Variants in TBC1D12 observed in about 807,000 individuals in gnomAD.
TBC1D12 encodes TBC1 domain family member 12, also known as TBC1 domain family, member 12.
TBC1D12 carries 56 observed loss-of-function variants against 86.7 expected under a neutral mutation model. The ratio of observed to expected loss-of-function variants is 0.65; its 90% CI spans 0.52 to 0.81. The LOEUF (loss-of-function observed/expected upper bound fraction) is 0.81. TBC1D12 is among the 30% of genes least tolerant of loss of function. The pLI is 0.00. For missense variants in TBC1D12, 1,023 were observed against 1,038.8 expected (o/e 0.98, Z 0.21); for synonymous variants, 421 against 411.7 (o/e 1.02, Z -0.27).
At chr10:94,519,696 C>T (rs1242381695) in intron 9 of TBC1D12, among the ~76,000 whole-genome samples, 2 of 152,134 alleles carry the variant, frequency 1.3e-5, no homozygotes, top group African/African-American at 4.8e-5. Context: ...CTTGCTTTTT[C>T]CACCTTCTAG....
At chr10:94,512,974 C>T (rs1314374483) in intron 9 of TBC1D12, among the ~76,000 whole-genome samples, 5 of 151,752 alleles carry the variant, frequency 3.3e-5, no homozygotes, top group African/African-American at 9.7e-5. Flanking sequence ...GCATGCCGGG[C>T]GTGGTGGCTC....
chr10:94,472,797 C>T (rs1294478896), intron 2 of TBC1D12, among the ~76,000 whole-genome samples: 2 of 152,030 alleles, frequency 1.3e-5, no homozygotes, highest in East Asian at 1.9e-4. Flanking sequence ...CTGTATGGTT[C>T]TTTGAGATGA....
chr10:94,443,647 A>C (rs769473388), intron 2 of TBC1D12, among the ~76,000 whole-genome samples: 8 of 152,212 alleles, frequency 5.3e-5, no homozygotes, highest in Non-Finnish European at 1.0e-4. Context: ...GAGACTGGTA[A>C]TTAGAAGCAG....
chr10:94,413,924 T>G (rs955754663), intron 1 of TBC1D12, among the ~76,000 whole-genome samples: 43 of 152,326 alleles, frequency 2.8e-4, no homozygotes, highest in African/African-American at 9.6e-4. Flanking sequence ...CAACTACCCA[T>G]CATACGTTAG....
At chr10:94,506,402 A>G (rs1456413153) in intron 6 of TBC1D12, among the ~76,000 whole-genome samples, 2 of 152,224 alleles carry the variant, frequency 1.3e-5, no homozygotes, top group Non-Finnish European at 2.9e-5. Flanking sequence ...AAAATTTTAA[A>G]AAGAATTAAT....
intron 4 of TBC1D12, among the ~76,000 whole-genome samples, chr10:94,496,735 CAT>C (rs1173551390): frequency 3.9e-5 from 6 of 152,240 alleles, no homozygotes; most frequent in South Asian, 2.1e-4. Flanking sequence ...TGGTGGCACA[CAT>C]GTGTAGTCCA....
chr10:94,407,008 G>T lies in TBC1D12; in HGVS notation c.971+3424G>T, dbSNP rs72814658. ...TTCCTTCTTCTTCCCTTCCCACTTC[G>T]TTCTTCTCTTTCCCTTAATTAGGCA... On this transcript the variant is annotated intron_variant, in intron 1 of 12. Transcript: ENST00000225235. Among the ~76,000 whole-genome samples the T allele has an allele frequency of 9.2e-3, 1,386 of 150,556 alleles. 7 individuals are homozygous for T. Among genetic ancestry groups the T allele is most frequent in the South Asian group, 0.027 (127 of 4,752 alleles).
At chr10:94,453,518 A>C (rs1312138092) in intron 2 of TBC1D12, among the ~76,000 whole-genome samples, 1 of 152,164 alleles carries the variant, frequency 6.6e-6, no homozygotes, top group Non-Finnish European at 1.5e-5. Context: ...TAAATTTATA[A>C]AGTTTATAAA....
At chr10:94,523,164 G>A (rs1842199556) in intron 11 of TBC1D12, among the ~76,000 whole-genome samples, 1 of 123,168 alleles carries the variant, frequency 8.1e-6, no homozygotes, top group Non-Finnish European at 1.6e-5. Context: ...CAGCACTGCA[G>A]CCTGGACAAC....
In TBC1D12 at chr10:94,403,017, A is replaced by G; in HGVS notation, c.404A>G (p.Asn135Ser). The change falls in exon 1 of 13, where the codon AAC (asparagine) becomes AGC (serine). Residue 135 changes from asparagine (N) to serine (S), a missense_variant. Coordinates refer to ENST00000225235, the MANE Select transcript of TBC1D12 (RefSeq NM_015188.2). ...GRAPRHEGMT[N>S]GDSGFLPGRD... ...GCGCCGCGGCACGAAGGCATGACCA[A>G]CGGCGACTCGGGTTTTCTGCCGGGC... is the stretch of plus-strand genomic sequence containing the variant. 6.4e-7 allele frequency: 1 copy of G among 1,572,940 alleles called. No homozygotes were observed. The highest frequency in any genetic ancestry group is 8.6e-7 in the Non-Finnish European group (1 of 1,163,780).
chr10:94,474,896 A>G, intron 3 of TBC1D12, 113 bp downstream of exon 3: 1 of 969,864 alleles, frequency 1.0e-6, no homozygotes. Flanking sequence ...TTTAATTTTT[A>G]CAAAATTTAA....
chr10:94,469,872 C>G (rs1310497793), intron 2 of TBC1D12, among the ~76,000 whole-genome samples: 1 of 152,180 alleles, frequency 6.6e-6, no homozygotes, highest in Non-Finnish European at 1.5e-5. Context: ...CCCTGATGTT[C>G]AGTATTGCCT....
intron 6 of TBC1D12, among the ~76,000 whole-genome samples, chr10:94,503,613 T>A (rs2056425906): frequency 6.6e-6 from 1 of 152,062 alleles, no homozygotes; most frequent in Admixed American, 6.6e-5. Flanking sequence ...ATTATTTTAT[T>A]TATTTATTTA....
At position 94,517,973 on chromosome 10, in the gene TBC1D12, C is replaced by A. The variant is rs900429447; in HGVS notation, c.1762-3982C>A. On this transcript the variant is annotated intron_variant, in intron 9 of 12. Transcript: ENST00000225235. ...TTCGAGACCAGCCTGGCCAACGTGGCGAAATCCCGTCTCTACTAAAAATAC... is the reference window on the plus strand; with the variant it reads ...TTCGAGACCAGCCTGGCCAACGTGGAGAAATCCCGTCTCTACTAAAAATAC... Among the ~76,000 whole-genome samples, 42 of 151,972 alleles carry A rather than the reference C, an allele frequency of 2.8e-4. 1 individual carries two copies. The highest frequency in any genetic ancestry group is 8.2e-4 in the African/African-American group (34 of 41,480).
Position 94,403,455 on chromosome 10 carries a change from G to T in TBC1D12, c.842G>T (p.Arg281Leu). Residue 281 changes from arginine to leucine, a missense_variant, in exon 1 of 13, where the codon CGC becomes CTC. By Grantham distance (102) the Arg-to-Leu change is moderately radical. Coordinates refer to ENST00000225235, the MANE Select transcript of TBC1D12 (RefSeq NM_015188.2). ...FNSRNTFQVS[R>L]GQSARDHLPP... ...TCTCGCAACACGTTCCAGGTGAGCCGCGGTCAGAGCGCCCGCGATCACCTG... is the reference window on the plus strand; with the variant it reads ...TCTCGCAACACGTTCCAGGTGAGCCTCGGTCAGAGCGCCCGCGATCACCTG... 1 of 1,543,928 alleles carries T rather than the reference G, an allele frequency of 6.5e-7. No individual in the cohort carries two copies. The highest frequency in any genetic ancestry group is 8.7e-7 in the Non-Finnish European group (1 of 1,145,290).
chr10:94,501,763 G>A (rs561828097), intron 6 of TBC1D12, among the ~76,000 whole-genome samples: 1 of 151,836 alleles, frequency 6.6e-6, no homozygotes, highest in South Asian at 2.1e-4. Context: ...GGCCAGGCTG[G>A]TCTCAAACTC....
intron 5 of TBC1D12, among the ~76,000 whole-genome samples, chr10:94,499,206 A>C (rs558750913): frequency 6.6e-6 from 1 of 152,170 alleles, no homozygotes; most frequent in Non-Finnish European, 1.5e-5. Context: ...TTTGAAACAT[A>C]CAGTTCATTA....
intron 1 of TBC1D12, among the ~76,000 whole-genome samples, chr10:94,415,288 T>C (rs1048764612): frequency 1.3e-5 from 2 of 152,234 alleles, no homozygotes; most frequent in African/African-American, 4.8e-5. Context: ...TGTACTTACA[T>C]AAGCCTTAAC....
At chr10:94,403,789 A>G (rs892492213) in intron 1 of TBC1D12, among the ~76,000 whole-genome samples, 2 of 152,116 alleles carry the variant, frequency 1.3e-5, no homozygotes, top group African/African-American at 2.4e-5. Context: ...CTATAGGAGA[A>G]GTTGTGAGCT....
Sources: gnomAD v4.1 joint callset for allele counts (sites outside exome capture counted in the v4.1 genomes callset) on GRCh38, gnomAD v4.1.1 for gene constraint, MANE v1.5 for transcripts, NCBI Gene and HGNC (gene_info 2026-07-23, HGNC 2026-07-21) for gene names.